The following CDH18 variants were observed in gnomAD, a reference collection of about 807,000 sequenced individuals.
CDH18 encodes cadherin-18.
In CDH18, 31 loss-of-function variants were observed where a neutral mutation model predicts 67.9. The observed-to-expected ratio is 0.46, with a 90% CI of 0.34 to 0.62. The LOEUF is 0.62. Among genes scored for constraint, CDH18 ranks in the 20% least tolerant of loss-of-function variants. The probability of loss-of-function intolerance (pLI) is 0.01; values close to 1 mark genes in which losing one functional copy is unlikely to be tolerated. For missense variants in CDH18, 890 were observed against 975.5 expected (o/e 0.91, Z 1.17); for synonymous variants, 362 against 347.2 (o/e 1.04, Z -0.48).
upstream of CDH18, among the ~76,000 whole-genome samples, chr5:19,993,044 T>C (rs1800070350): frequency 6.6e-6 from 1 of 152,156 alleles, no homozygotes; most frequent in South Asian, 2.1e-4. Flanking sequence ...CTTTTATCAA[T>C]ACCATTAACA....
Position 20,437,700 on chromosome 5 carries a change from T to C in CDH18, c.-580+137762A>G, listed in dbSNP as rs796194715. Among the ~76,000 whole-genome samples the C allele has an allele frequency of 7.9e-5, 12 of 151,594 alleles. No homozygotes were observed. In the South Asian group the frequency reaches 1.2e-3, roughly 16 times the overall value. On this transcript the variant is annotated intron_variant, in intron 1 of 14. Transcript: ENST00000507958. ...CAATTCAGAGAGTTTGCATGTTTTT[T>C]AAGTACCCAAAATAACTTTCCTAAT...
intron 1 of CDH18, among the ~76,000 whole-genome samples, chr5:20,530,578 A>G (rs1193798939): frequency 6.6e-6 from 1 of 152,028 alleles, no homozygotes; most frequent in Non-Finnish European, 1.5e-5. Flanking sequence ...CTCACAAATA[A>G]AACCTCACAT....
At chr5:19,789,075 A>C (rs1776101490) in intron 3 of CDH18, among the ~76,000 whole-genome samples, 1 of 152,154 alleles carries the variant, frequency 6.6e-6, no homozygotes, top group Non-Finnish European at 1.5e-5. Flanking sequence ...CAAGCATCTA[A>C]GGGAACAGTC....
intron 2 of CDH18, among the ~76,000 whole-genome samples, chr5:19,885,080 C>G (rs186096914): frequency 1.2e-3 from 184 of 152,282 alleles, no homozygotes; most frequent in Non-Finnish European, 1.7e-3. Flanking sequence ...CCTTTTTCCA[C>G]TGCCTTCCAT....
chr5:19,521,394 A>G (rs1746881647), intron 9 of CDH18, among the ~76,000 whole-genome samples: 1 of 152,156 alleles, frequency 6.6e-6, no homozygotes, highest in South Asian at 2.1e-4. Context: ...ATCTTAAACT[A>G]AGACTTTTTA....
intron 4 of CDH18, among the ~76,000 whole-genome samples, chr5:19,731,762 T>C (rs1767627346): frequency 6.6e-6 from 1 of 152,186 alleles, no homozygotes; most frequent in Non-Finnish European, 1.5e-5. Context: ...TCCATTTTAC[T>C]TAATGAAGTT....
At chr5:20,497,004 A>G (rs13157255) in intron 1 of CDH18, among the ~76,000 whole-genome samples, 77,416 of 151,416 alleles carry the variant, frequency 0.51, 19,842 homozygotes, top group East Asian at 0.55. Context: ...CCCACAGAGA[A>G]GGTGATGTTT....
intron 1 of CDH18, among the ~76,000 whole-genome samples, chr5:19,984,653 T>C (rs1163743476): frequency 7.2e-5 from 11 of 152,176 alleles, no homozygotes; most frequent in Admixed American, 6.5e-4. Flanking sequence ...TGTAGACCTT[T>C]ACAAATTGTA....
intron 1 of CDH18, among the ~76,000 whole-genome samples, chr5:20,566,360 CT>C (rs529048391): frequency 0.11 from 13,322 of 119,022 alleles, 1,176 homozygotes; most frequent in African/African-American, 0.31. Context: ...TTTTCTTTTT[CT>C]TTTTTTTTTT....
intron 2 of CDH18, among the ~76,000 whole-genome samples, chr5:20,175,132 A>G (rs1027859): frequency 0.044 from 6,689 of 152,160 alleles, 198 homozygotes; most frequent in Non-Finnish European, 0.066. Flanking sequence ...TAGGGGAGGA[A>G]GTGTAATGCC....
chr5:19,481,887 G>A (rs116215672), intron 12 of CDH18, among the ~76,000 whole-genome samples: 105 of 152,226 alleles, frequency 6.9e-4, no homozygotes, highest in African/African-American at 2.3e-3. Context: ...TTTGGACACA[G>A]GTCCCCACTT....
intron 8 of CDH18, among the ~76,000 whole-genome samples, chr5:19,557,911 C>A (rs910549592): frequency 3.3e-5 from 5 of 151,888 alleles, no homozygotes; most frequent in East Asian, 1.9e-4. Flanking sequence ...CAATTCTCAA[C>A]AAATTTAAGA....
At position 19,781,286 on chromosome 5, in the gene CDH18, A is replaced by C. The variant is rs897980451; in HGVS notation, c.229-34050T>G. Among the ~76,000 whole-genome samples, 14 of 152,216 alleles carry C rather than the reference A, an allele frequency of 9.2e-5. 2 individuals carry two copies. Among genetic ancestry groups the C allele is most frequent in the Admixed American group, 9.2e-4 (14 of 15,278 alleles). On this transcript the variant is annotated intron_variant, in intron 3 of 12. Coordinates refer to ENST00000382275, the MANE Select transcript of CDH18 (RefSeq NM_004934.5). ...CAATTGTAAGAGTATTGACATTTTT[A>C]ATTTTCTCAATTCCTGTATGAAATA...
At chr5:19,886,791 C>T (rs1476525735) in intron 2 of CDH18, among the ~76,000 whole-genome samples, 1 of 152,084 alleles carries the variant, frequency 6.6e-6, no homozygotes, top group East Asian at 1.9e-4. Context: ...CACTGGTTTT[C>T]AACAAAGGTA....
chr5:20,428,644 C>A (rs980054420), intron 1 of CDH18, among the ~76,000 whole-genome samples: 1 of 152,062 alleles, frequency 6.6e-6, no homozygotes, highest in Non-Finnish European at 1.5e-5. Flanking sequence ...TTTTAACTGG[C>A]GTGAGATGGT....
intron 1 of CDH18, among the ~76,000 whole-genome samples, chr5:20,492,531 A>G (rs987618490): frequency 1.3e-5 from 2 of 152,188 alleles, no homozygotes; most frequent in African/African-American, 4.8e-5. Flanking sequence ...TTCAAATGTT[A>G]TACATATGAA....
chr5:19,772,864 TACAAAACTGTA>T (rs1207832016), intron 3 of CDH18, among the ~76,000 whole-genome samples: 4 of 152,166 alleles, frequency 2.6e-5, no homozygotes, highest in Non-Finnish European at 5.9e-5. Context: ...AGTCTAAGTG[TACAAAACTGTA>T]AATACATTTT....
intron 2 of CDH18, among the ~76,000 whole-genome samples, chr5:20,073,378 A>G (rs1743652070): frequency 6.6e-6 from 1 of 151,834 alleles, no homozygotes; most frequent in Non-Finnish European, 1.5e-5. Flanking sequence ...TCTCAAATGA[A>G]TTTTATTTTG....
At chr5:19,906,363 C>T (rs1463639771) in intron 2 of CDH18, among the ~76,000 whole-genome samples, 1 of 151,784 alleles carries the variant, frequency 6.6e-6, no homozygotes, top group Non-Finnish European at 1.5e-5. Context: ...TGTAAAGATA[C>T]CTAATGACGA....
Sources: gnomAD v4.1 joint callset for allele counts (sites outside exome capture counted in the v4.1 genomes callset) on GRCh38, gnomAD v4.1.1 for gene constraint, MANE v1.5 for transcripts, NCBI Gene and HGNC (gene_info 2026-07-23, HGNC 2026-07-21) for gene names.